EIPR1: variants seen among roughly 807,000 people sequenced by gnomAD.
EIPR1 encodes the protein EARP complex and GARP complex interacting protein 1.
EIPR1 carries 25 observed loss-of-function variants against 48.1 expected under a neutral mutation model. The ratio of observed to expected loss-of-function variants is 0.52; its 90% CI spans 0.38 to 0.73. EIPR1 has a LOEUF of 0.73. Among genes scored for constraint, EIPR1 ranks in the 30% least tolerant of loss-of-function variants. EIPR1 has a pLI of 0.00. For synonymous variants in EIPR1, 204 were observed against 201.9 expected (o/e 1.01, Z -0.09); for missense variants, 415 against 506.2 (o/e 0.82, Z 1.73).
chr2:3,246,805 CAGGGAGGG>C (rs1220728723), intron 4 of EIPR1, among the ~76,000 whole-genome samples: 1 of 13,810 alleles, frequency 7.2e-5, no homozygotes, highest in Admixed American at 8.7e-4. Context: ...GGGAGGGAGG[CAGGGAGGG>C]AGGGAGGGAG....
intron 3 of EIPR1, among the ~76,000 whole-genome samples, chr2:3,285,388 T>C (rs888179859): frequency 1.3e-4 from 15 of 117,282 alleles, no homozygotes; most frequent in Non-Finnish European, 6.6e-5. Context: ...ACCCACCGCC[T>C]GCCCAGCTGC....
chr2:3,237,850 C>G (rs1220798249), intron 4 of EIPR1, among the ~76,000 whole-genome samples: 4 of 152,150 alleles, frequency 2.6e-5, no homozygotes, highest in Non-Finnish European at 5.9e-5. Flanking sequence ...AGAACAGGCC[C>G]GCACACGGCT....
At chr2:3,272,889 G>A (rs754822793) in intron 3 of EIPR1, among the ~76,000 whole-genome samples, 5 of 152,176 alleles carry the variant, frequency 3.3e-5, no homozygotes, top group Non-Finnish European at 4.4e-5. Context: ...GATGAGGTGC[G>A]TCTGTATCTA....
intron 5 of EIPR1, chr2:3,208,624 C>T (rs1665317681): frequency 6.4e-7 from 1 of 1,550,616 alleles, no homozygotes; most frequent in African/African-American, 1.4e-5. Flanking sequence ...ATGAATTTGG[C>T]CATGGCATTC....
rs146075421 is a variant in EIPR1 at position 3,279,163 on chromosome 2, C to T, written c.260-21708G>A. Among the ~76,000 whole-genome samples, 129 of 152,232 alleles carry T rather than the reference C, an allele frequency of 8.5e-4. No individual in the cohort carries two copies. The East Asian group carries it at 0.017, about 20-fold the overall frequency. On this transcript the variant is annotated intron_variant, in intron 3 of 8. Coordinates refer to ENST00000382125, the MANE Select transcript of EIPR1 (RefSeq NM_003310.5). ...TTTTAAAAATCAGCATTATACACCT[C>T]GCAACCGATCATGTCAGAAATTAAT...
chr2:3,255,730 C>T (rs1174218350), intron 4 of EIPR1, among the ~76,000 whole-genome samples: 1 of 152,240 alleles, frequency 6.6e-6, no homozygotes, highest in Non-Finnish European at 1.5e-5. Flanking sequence ...ACCTCCCTAA[C>T]GTGACCACTG....
At chr2:3,253,099 A>C (rs1667051394) in intron 4 of EIPR1, among the ~76,000 whole-genome samples, 1 of 152,154 alleles carries the variant, frequency 6.6e-6, no homozygotes, top group South Asian at 2.1e-4. Flanking sequence ...GGAAGCTGCC[A>C]CCTGAAGTTT....
rs776666430 is a variant in EIPR1, at chr2:3,275,392, GAACA to G, written c.260-17941_260-17938del. Among the ~76,000 whole-genome samples the G allele has an allele frequency of 2.0e-5, 3 of 149,878 alleles. No homozygotes were observed. The South Asian group carries it at 6.2e-4, about 31-fold the overall frequency. ...AAAACACATAAAGCAAAAATTGACA[GAACA>G]AATAAAAATAGAGGAATCCAATATC... On this transcript the variant is annotated intron_variant, in intron 3 of 8. Coordinates refer to ENST00000382125, the MANE Select transcript of EIPR1 (RefSeq NM_003310.5).
Position 3,274,787 on chromosome 2 carries a change from A to G in EIPR1, c.260-17332T>C, listed in dbSNP as rs537984748. Among the ~76,000 whole-genome samples the G allele has an allele frequency of 3.3e-5, 5 of 152,308 alleles. No homozygotes were observed. In the South Asian group the frequency reaches 1.0e-3, roughly 32 times the overall value. On this transcript the variant is annotated intron_variant, in intron 3 of 8. Coordinates refer to ENST00000382125, the MANE Select transcript of EIPR1 (RefSeq NM_003310.5). ...AATACTGGCCAACAAAGTATCTAAG[A>G]TAGAAGGGAGATGAAAATAGATTTA...
chr2:3,292,230 C>T (rs1668384572), intron 3 of EIPR1, among the ~76,000 whole-genome samples: 1 of 152,220 alleles, frequency 6.6e-6, no homozygotes, highest in African/African-American at 2.4e-5. Flanking sequence ...CAGACTGGGA[C>T]CCAGTCCATT....
intron 5 of EIPR1, among the ~76,000 whole-genome samples, chr2:3,199,070 C>CCCCCCT (rs1381053298): frequency 1.9e-5 from 1 of 52,520 alleles, no homozygotes; most frequent in Non-Finnish European, 6.2e-5. Context: ...GGCCCCCCCC[C>CCCCCCT]CGCCCCGGGA....
intron 3 of EIPR1, among the ~76,000 whole-genome samples, chr2:3,327,786 T>C (rs1319172753): frequency 6.6e-6 from 1 of 152,212 alleles, no homozygotes; most frequent in Non-Finnish European, 1.5e-5. Flanking sequence ...CTTAACCATG[T>C]AACCATGGTT....
At chr2:3,271,406 C>T (rs930746421) in intron 3 of EIPR1, among the ~76,000 whole-genome samples, 4 of 152,194 alleles carry the variant, frequency 2.6e-5, no homozygotes, top group African/African-American at 7.2e-5. Context: ...TCAGTGGCAA[C>T]GACAGCCTTA....
intron 2 of EIPR1, among the ~76,000 whole-genome samples, chr2:3,353,540 C>T (rs1244402530): frequency 2.6e-5 from 4 of 152,156 alleles, no homozygotes; most frequent in Admixed American, 2.0e-4. Context: ...TTACAAGTGG[C>T]AATTTCATAT....
intron 5 of EIPR1, among the ~76,000 whole-genome samples, chr2:3,199,070 C>CACCT (rs1664917321): frequency 1.9e-5 from 1 of 52,520 alleles, no homozygotes; most frequent in African/African-American, 5.6e-5. Flanking sequence ...GGCCCCCCCC[C>CACCT]CGCCCCGGGA....
chr2:3,264,913 C>A (rs1667440833), intron 3 of EIPR1, among the ~76,000 whole-genome samples: 1 of 152,104 alleles, frequency 6.6e-6, no homozygotes, highest in African/African-American at 2.4e-5. Flanking sequence ...TCTCGAACTC[C>A]TGACCTTGTG....
At chr2:3,273,992 T>A (rs923019718) in intron 3 of EIPR1, among the ~76,000 whole-genome samples, 1 of 152,172 alleles carries the variant, frequency 6.6e-6, no homozygotes, top group African/African-American at 2.4e-5. Context: ...TAATAAAGCA[T>A]CTAGAAGTAA....
At chr2:3,216,147 A>T (rs537764498) in intron 4 of EIPR1, among the ~76,000 whole-genome samples, 2 of 152,306 alleles carry the variant, frequency 1.3e-5, no homozygotes, top group South Asian at 4.1e-4. Context: ...TTGATAGTAA[A>T]TTCCAAGGAA....
At chr2:3,278,287 A>C (rs1270137663) in intron 3 of EIPR1, among the ~76,000 whole-genome samples, 1 of 152,174 alleles carries the variant, frequency 6.6e-6, no homozygotes, top group African/African-American at 2.4e-5. Flanking sequence ...CACCACATGC[A>C]GACTGTGGTT....
Sources: allele counts gnomAD v4.1 joint callset (sites outside exome capture counted in the v4.1 genomes callset), GRCh38; gene constraint gnomAD v4.1.1; transcripts MANE v1.5; gene names NCBI Gene and HGNC (gene_info 2026-07-23, HGNC 2026-07-21).